The following DBT variants were observed in gnomAD, a reference collection of about 807,000 sequenced individuals.
DBT encodes the protein lipoamide acyltransferase component of branched-chain alpha-keto acid dehydrogenase complex, mitochondrial.
DBT carries 40 observed loss-of-function variants against 51.3 expected under a neutral mutation model. That is an observed-to-expected ratio of 0.78 (90% CI 0.61 to 1.02). The LOEUF is 1.02. Among genes scored for constraint, DBT ranks in the 50% least tolerant of loss-of-function variants. The pLI, the probability that DBT is intolerant of heterozygous loss-of-function variation, is 0.00. For synonymous variants in DBT, 181 were observed against 190.4 expected, an observed-to-expected ratio of 0.95 and a Z score of 0.41; for missense variants, 510 against 580.2, an observed-to-expected ratio of 0.88 and a Z score of 1.24.
At chr1:100,226,602 G>T (rs1570831237) in intron 4 of DBT, among the ~76,000 whole-genome samples, 1 of 152,026 alleles carries the variant, frequency 6.6e-6, no homozygotes, top group Non-Finnish European at 1.5e-5. Flanking sequence ...TCTTTCAAAA[G>T]AAATTTAGAA....
chr1:100,199,057 G>A (rs560391002), intron 10 of DBT, among the ~76,000 whole-genome samples: 9 of 152,276 alleles, frequency 5.9e-5, no homozygotes, highest in South Asian at 2.1e-4. Flanking sequence ...TTAATAGGGG[G>A]TACCCAAGTC....
At position 100,192,512 on chromosome 1, in the gene DBT, T is replaced by C. The variant is rs1400347064; in HGVS notation, c.*3743A>G. ...GTGCTGAGCCCTGTCATTTCTTTCTTAAACCATAGTTTACTTAGAAATCAG... is the reference window on the plus strand; with the variant it reads ...GTGCTGAGCCCTGTCATTTCTTTCTCAAACCATAGTTTACTTAGAAATCAG... On this transcript the variant is annotated 3_prime_UTR_variant, in exon 11 of 11. Transcript: ENST00000370132. 6.6e-6 allele frequency: 1 copy of C among 152,218 alleles called. No homozygotes were observed. The highest frequency in any genetic ancestry group is 1.5e-5 in the Non-Finnish European group (1 of 68,038). 9.4% of individuals were successfully genotyped at this position (152,218 alleles called of 1,614,324 possible).
intron 10 of DBT, among the ~76,000 whole-genome samples, chr1:100,199,516 G>C (rs2810425): frequency 0.76 from 115,621 of 152,136 alleles, 46,253 homozygotes; most frequent in East Asian, 0.95. Flanking sequence ...AAACAACCCA[G>C]ATCGCCACCA....
intron 1 of DBT, among the ~76,000 whole-genome samples, chr1:100,241,433 T>C (rs1253344015): frequency 6.6e-6 from 1 of 151,606 alleles, no homozygotes; most frequent in African/African-American, 2.4e-5. Flanking sequence ...TCTCACTCTG[T>C]TGCCCAGGCT....
At chr1:100,245,149 T>A (rs774326657) in intron 1 of DBT, among the ~76,000 whole-genome samples, 5 of 152,056 alleles carry the variant, frequency 3.3e-5, no homozygotes, top group African/African-American at 4.8e-5. Flanking sequence ...TTATATTTTT[T>A]AATTTTCTTC....
At chr1:100,208,968 A>G (rs1293349499) in intron 8 of DBT, among the ~76,000 whole-genome samples, 2 of 151,512 alleles carry the variant, frequency 1.3e-5, no homozygotes, top group African/African-American at 2.4e-5. Flanking sequence ...AAATAATTCT[A>G]TATCTTGTAA....
chr1:100,211,905 G>A (rs1662168583), intron 7 of DBT, among the ~76,000 whole-genome samples: 1 of 152,094 alleles, frequency 6.6e-6, no homozygotes, highest in African/African-American at 2.4e-5. Flanking sequence ...CCGAGTAGCT[G>A]GAACTATAGG....
intron 1 of DBT, chr1:100,249,450 C>A (rs1262946032): frequency 8.1e-6 from 4 of 493,636 alleles, no homozygotes; most frequent in Non-Finnish European, 1.1e-5. Flanking sequence ...ACGAATATAT[C>A]TCTGGATCCA....
At chr1:100,243,323 T>C (rs1221864812) in intron 1 of DBT, among the ~76,000 whole-genome samples, 4 of 147,782 alleles carry the variant, frequency 2.7e-5, no homozygotes, top group African/African-American at 9.9e-5. Flanking sequence ...TCTTTTTTTC[T>C]TTTTTTTTTG....
chr1:100,239,851 C>CAAAAAAAAAAAAAAAA (rs56661922), intron 2 of DBT, among the ~76,000 whole-genome samples: 8 of 111,196 alleles, frequency 7.2e-5, no homozygotes, highest in Non-Finnish European at 9.0e-5. Flanking sequence ...CAACAGAGCT[C>CAAAAAAAAAAAAAAAA]AAAAAAAAAA....
At position 100,189,872 on chromosome 1, in the gene DBT, T is replaced by C. The variant is rs570214334; in HGVS notation, c.*6383A>G. On this transcript the variant is annotated 3_prime_UTR_variant, in exon 11 of 11. Coordinates refer to ENST00000370132, the MANE Select transcript of DBT (RefSeq NM_001918.5). ...GGCAGCACTATCCAATAGAATTTTCTGTGATGATGGAAACAGTCTACATCT... is the reference window on the plus strand; with the variant it reads ...GGCAGCACTATCCAATAGAATTTTCCGTGATGATGGAAACAGTCTACATCT... 6.6e-6 allele frequency: 1 copy of C among 152,210 alleles called. No individual in the cohort carries two copies. Among genetic ancestry groups the C allele is most frequent in the East Asian group, 1.9e-4 (1 of 5,206 alleles). The allele number at this position is 152,210 out of a possible 1,614,324, so 9.4% of individuals were successfully genotyped here. A position where few individuals can be genotyped will look rare whatever the true frequency, so the allele number is the denominator to read the frequency against.
intron 1 of DBT, chr1:100,249,233 T>G: frequency 3.5e-6 from 1 of 283,386 alleles, no homozygotes; most frequent in South Asian, 9.1e-5. Context: ...ACAGCCTTGG[T>G]GACAAAAGGG....
chr1:100,207,855 G>C (rs908946240), intron 8 of DBT, among the ~76,000 whole-genome samples: 1 of 152,032 alleles, frequency 6.6e-6, no homozygotes, highest in Non-Finnish European at 1.5e-5. Flanking sequence ...CTTTGTGGCC[G>C]GGCACAGTGG....
intron 4 of DBT, 95 bp from the exon 5 acceptor site, chr1:100,218,842 C>A: frequency 1.1e-6 from 1 of 883,316 alleles, no homozygotes; most frequent in Non-Finnish European, 1.7e-6. Flanking sequence ...CCTATAATAT[C>A]TAAATAAATT....
At chr1:100,220,447 T>A (rs909592501) in intron 4 of DBT, among the ~76,000 whole-genome samples, 4 of 152,136 alleles carry the variant, frequency 2.6e-5, no homozygotes, top group Admixed American at 6.5e-5. Flanking sequence ...TCTAGGTAAA[T>A]AAAAATCTTC....
Position 100,187,079 on chromosome 1 carries a change from C to T in DBT, c.*9176G>A, listed in dbSNP as rs2101810207. On this transcript the variant is annotated 3_prime_UTR_variant, in exon 11 of 11. Coordinates refer to ENST00000370132, the MANE Select transcript of DBT (RefSeq NM_001918.5). ...AAACAAAATACAAGTAAACAAAACA[C>T]AACTTCTCTGATGAATGAAGTGGTT... 1 of 152,300 alleles carries T rather than the reference C, an allele frequency of 6.6e-6. No homozygotes were observed. Among genetic ancestry groups the T allele is most frequent in the Admixed American group, 6.5e-5 (1 of 15,284 alleles). 9.4% of individuals were successfully genotyped at this position (152,300 alleles called of 1,614,324 possible).
chr1:100,244,024 T>C (rs1485037202), intron 1 of DBT, among the ~76,000 whole-genome samples: 4 of 146,362 alleles, frequency 2.7e-5, no homozygotes, highest in Non-Finnish European at 6.0e-5. Flanking sequence ...TGTAATCTCA[T>C]TGCACTCCAG....
intron 4 of DBT, among the ~76,000 whole-genome samples, chr1:100,228,302 A>G (rs1663340462): frequency 6.6e-6 from 1 of 152,226 alleles, no homozygotes; most frequent in Non-Finnish European, 1.5e-5. Flanking sequence ...TCATGAAACA[A>G]AAGTAGAGGA....
chr1:100,214,367 G>T (rs987193834), intron 7 of DBT, among the ~76,000 whole-genome samples: 1 of 152,134 alleles, frequency 6.6e-6, no homozygotes, highest in Admixed American at 6.5e-5. Context: ...CAAAGAAATG[G>T]CACATTTTCT....
Sources: gnomAD v4.1 joint callset for allele counts (sites outside exome capture counted in the v4.1 genomes callset) on GRCh38, gnomAD v4.1.1 for gene constraint, MANE v1.5 for transcripts, NCBI Gene and HGNC (gene_info 2026-07-23, HGNC 2026-07-21) for gene names.